Variants in RAP1GAP observed in about 807,000 individuals in gnomAD.
RAP1GAP encodes RAP1 GTPase activating protein, also known as rap1 GTPase-activating protein 1.
A neutral mutation model predicts 87.2 loss-of-function variants in RAP1GAP; 35 were observed. That is an observed-to-expected ratio of 0.40 (90% CI 0.31 to 0.53). The LOEUF (loss-of-function observed/expected upper bound fraction) is 0.53, where lower values mean the gene tolerates loss of function less well. RAP1GAP is among the 20% of genes least tolerant of loss of function. The probability of loss-of-function intolerance (pLI) is 0.48; values close to 1 mark genes in which losing one functional copy is unlikely to be tolerated. For synonymous variants in RAP1GAP, 375 were observed against 363.9 expected, an observed-to-expected ratio of 1.03 and a Z score of -0.35; for missense variants, 734 against 898.9, an observed-to-expected ratio of 0.82 and a Z score of 2.35.
intron 2 of RAP1GAP, among the ~76,000 whole-genome samples, chr1:21,648,168 C>A (rs2096250305): frequency 6.6e-6 from 1 of 152,078 alleles, no homozygotes; most frequent in African/African-American, 2.4e-5. Flanking sequence ...GGGGAATGGC[C>A]GATCTTTACT....
At chr1:21,614,162 C>A (rs774030124) in intron 7 of RAP1GAP, 73 bp from the exon 8 acceptor site, 30 of 1,014,542 alleles carry the variant, frequency 3.0e-5, no homozygotes, top group Non-Finnish European at 4.1e-5. Context: ...GGCCAGAAAG[C>A]CAACCCACTC....
chr1:21,613,304 G>T lies in RAP1GAP; in HGVS notation c.475-75C>A. On this transcript the variant is annotated intron_variant, in intron 9 of 24. Coordinates refer to ENST00000374765, the MANE Select transcript of RAP1GAP (RefSeq NM_002885.4). This position sits in a 1 kb window ranked among gnomAD's most constrained non-coding sequence, Gnocchi z 4.7. Reference sequence around the variant, plus strand: ...AGGATGGGGCTGCCTGGGCCTCCCTGGTCAAGGTCTGGGGAGGAGCCATGC... The same window carrying T: ...AGGATGGGGCTGCCTGGGCCTCCCTTGTCAAGGTCTGGGGAGGAGCCATGC... 1 of 1,355,274 alleles carries T rather than the reference G, an allele frequency of 7.4e-7. No homozygotes were observed. Among genetic ancestry groups the T allele is most frequent in the Non-Finnish European group, 1.1e-6 (1 of 945,828 alleles). 84.0% of individuals were successfully genotyped at this position (1,355,274 alleles called of 1,614,324 possible).
intron 1 of RAP1GAP, among the ~76,000 whole-genome samples, chr1:21,662,612 G>T (rs913883829): frequency 6.6e-6 from 1 of 152,112 alleles, no homozygotes; most frequent in African/African-American, 2.4e-5. Flanking sequence ...TCAGGGCCAC[G>T]TCCTGCAGGT....
At chr1:21,641,074 ATTTT>A (rs546229041) in intron 2 of RAP1GAP, among the ~76,000 whole-genome samples, 1 of 132,134 alleles carries the variant, frequency 7.6e-6, no homozygotes, top group South Asian at 2.4e-4. Flanking sequence ...CGCCCAGCTA[ATTTT>A]TTTTTTTTTT....
At chr1:21,628,703 A>G (rs2093018920) in intron 2 of RAP1GAP, among the ~76,000 whole-genome samples, 1 of 150,986 alleles carries the variant, frequency 6.6e-6, no homozygotes, top group Non-Finnish European at 1.5e-5. Flanking sequence ...CTGGCGACAG[A>G]GTGAGACTCC....
In RAP1GAP at chr1:21,610,142, C is replaced by T. The variant is rs2077333587; in HGVS notation, c.977G>A (p.Gly326Asp). The change falls in exon 14 of 25, where the codon GGC becomes GAC. Residue 326 changes from glycine to aspartate, a missense_variant. Transcript: ENST00000374765. Reference sequence around the variant, plus strand: ...CACCTTGTAGAGGGGGCCATCAGGGCCCCCGCCCTCAGCCTGCACCACGAC... The same window carrying T: ...CACCTTGTAGAGGGGGCCATCAGGGTCCCCGCCCTCAGCCTGCACCACGAC... ...AYVVVQAEGG[G>D]PDGPLYKVSV... 1.9e-6 allele frequency: 3 copies of T among 1,613,948 alleles called. No homozygotes were observed. Among genetic ancestry groups the T allele is most frequent in the Middle Eastern group, 1.6e-4 (1 of 6,062 alleles).
intron 2 of RAP1GAP, among the ~76,000 whole-genome samples, chr1:21,646,116 T>C (rs574001202): frequency 7.9e-5 from 12 of 152,204 alleles, no homozygotes; most frequent in African/African-American, 2.4e-4. Flanking sequence ...AAGGCTGGTG[T>C]CAGGATGGAA....
chr1:21,660,060 G>C (rs1177962563), intron 1 of RAP1GAP, among the ~76,000 whole-genome samples: 2 of 151,696 alleles, frequency 1.3e-5, no homozygotes, highest in Non-Finnish European at 2.9e-5. Flanking sequence ...TGGTATCCTC[G>C]GGCTTGAATG....
chr1:21,609,136 T>G lies in RAP1GAP; in HGVS notation c.1072-200A>C, dbSNP rs1015779588. ...CTTCAAGGGGCCCCAGTGCCCTTCATGGCTGCCCACGCCTTCGGGAGAGCA... is the reference window on the plus strand; with the variant it reads ...CTTCAAGGGGCCCCAGTGCCCTTCAGGGCTGCCCACGCCTTCGGGAGAGCA... On this transcript the variant is annotated intron_variant, in intron 15 of 24. Coordinates refer to ENST00000374765, the MANE Select transcript of RAP1GAP (RefSeq NM_002885.4). This position sits in a 1 kb window ranked among gnomAD's most constrained non-coding sequence, Gnocchi z 4.4. Among the ~76,000 whole-genome samples the G allele has an allele frequency of 6.6e-6, 1 of 152,178 alleles. No individual in the cohort carries two copies. Among genetic ancestry groups the G allele is most frequent in the Non-Finnish European group, 1.5e-5 (1 of 68,030 alleles).
At position 21,598,515 on chromosome 1, in the gene RAP1GAP, T is replaced by C. The variant is rs1049166363; in HGVS notation, c.1777-13A>G. ...ATGACACGCTCTCCTGGGGAGGGGGTGGAAAGAGGGAGGGAGGTTAGCCTA... is the reference window on the plus strand; with the variant it reads ...ATGACACGCTCTCCTGGGGAGGGGGCGGAAAGAGGGAGGGAGGTTAGCCTA... On this transcript the variant is annotated splice_polypyrimidine_tract_variant and intron_variant, in intron 21 of 24. Coordinates refer to ENST00000374765, the MANE Select transcript of RAP1GAP (RefSeq NM_002885.4). 2.3e-5 allele frequency: 37 copies of C among 1,600,688 alleles called. No individual in the cohort carries two copies. The highest frequency in any genetic ancestry group is 3.2e-5 in the Non-Finnish European group (37 of 1,168,704).
intron 1 of RAP1GAP, among the ~76,000 whole-genome samples, chr1:21,661,710 T>C (rs1231589469): frequency 2.0e-5 from 3 of 152,208 alleles, no homozygotes; most frequent in Non-Finnish European, 4.4e-5. Context: ...AGGCACACAA[T>C]AAATGGAGAC....
At chr1:21,636,615 T>C (rs946523203) in intron 2 of RAP1GAP, among the ~76,000 whole-genome samples, 6 of 152,050 alleles carry the variant, frequency 3.9e-5, no homozygotes, top group African/African-American at 1.4e-4. Context: ...GAGACCAGCC[T>C]GACCAACGTG....
Position 21,613,327 on chromosome 1 carries a change from T to C in RAP1GAP, c.475-98A>G. 8 of 1,140,302 alleles carry C rather than the reference T, an allele frequency of 7.0e-6. No homozygotes were observed. Among genetic ancestry groups the C allele is most frequent in the Non-Finnish European group, 1.1e-5 (8 of 753,956 alleles). 70.6% of individuals were successfully genotyped at this position (1,140,302 alleles called of 1,614,324 possible). A position where few individuals can be genotyped will look rare whatever the true frequency, so the allele number is the denominator to read the frequency against. ...CTGGTCAAGGTCTGGGGAGGAGCCA[T>C]GCTGGGAATGGCCAAGGCTAAAGCA... On this transcript the variant is annotated intron_variant, in intron 9 of 24. Coordinates refer to ENST00000374765, the MANE Select transcript of RAP1GAP (RefSeq NM_002885.4). The surrounding 1 kb of genome is among the most constrained non-coding windows in gnomAD (Gnocchi z 4.7).
At chr1:21,626,626 C>T (rs1371787957) in intron 2 of RAP1GAP, among the ~76,000 whole-genome samples, 1 of 152,152 alleles carries the variant, frequency 6.6e-6, no homozygotes, top group Non-Finnish European at 1.5e-5. Context: ...TCCCCAAGCT[C>T]TCCATTAGGC....
At chr1:21,637,221 A>C (rs988193776) in intron 2 of RAP1GAP, among the ~76,000 whole-genome samples, 8 of 142,768 alleles carry the variant, frequency 5.6e-5, no homozygotes, top group African/African-American at 1.8e-4. Context: ...CAGTGGTGAG[A>C]TCTCAGCTCA....
chr1:21,613,264 G>T lies in RAP1GAP; in HGVS notation c.475-35C>A, dbSNP rs773507088. On this transcript the variant is annotated intron_variant, in intron 9 of 24. Transcript: ENST00000374765. The surrounding 1 kb of genome is among the most constrained non-coding windows in gnomAD (Gnocchi z 4.7). ...GAGATAAGGGAGGGGTGTGAGGTGT[G>T]GGGCCAGGGAGGAGAGGATGGGGCT... 1 of 1,524,264 alleles carries T rather than the reference G, an allele frequency of 6.6e-7. No individual in the cohort carries two copies. Among genetic ancestry groups the T allele is most frequent in the Non-Finnish European group, 9.1e-7 (1 of 1,098,512 alleles). 94.4% of individuals were successfully genotyped at this position (1,524,264 alleles called of 1,614,324 possible).
intron 10 of RAP1GAP, among the ~76,000 whole-genome samples, chr1:21,612,761 C>T (rs2079183566): frequency 6.6e-6 from 1 of 152,214 alleles, no homozygotes; most frequent in Admixed American, 6.5e-5. Flanking sequence ...GTGCCTAGAG[C>T]CCAGCTACCA....
At chr1:21,605,353 C>G (rs1353900208) in intron 18 of RAP1GAP, among the ~76,000 whole-genome samples, 1 of 152,204 alleles carries the variant, frequency 6.6e-6, no homozygotes, top group Non-Finnish European at 1.5e-5. Flanking sequence ...GAGGTGCTCA[C>G]AGAGAAAGTA....
At chr1:21,664,354 G>A (rs534454340) in intron 1 of RAP1GAP, among the ~76,000 whole-genome samples, 3 of 152,282 alleles carry the variant, frequency 2.0e-5, no homozygotes, top group South Asian at 2.1e-4. Context: ...AGGCTAGTGG[G>A]CTCAGCCTGC....
Sources: gnomAD v4.1 joint callset for allele counts (sites outside exome capture counted in the v4.1 genomes callset) on GRCh38, gnomAD v4.1.1 for gene constraint, Gnocchi (gnomAD v3.1) non-coding constraint, MANE v1.5 for transcripts, NCBI Gene and HGNC (gene_info 2026-07-23, HGNC 2026-07-21) for gene names.